The following IQGAP1 variants were observed in gnomAD, a reference collection of about 807,000 sequenced individuals.
IQGAP1 encodes IQ motif containing GTPase activating protein 1.
IQGAP1 carries 66 observed loss-of-function variants against 215.6 expected under a neutral mutation model. That is an observed-to-expected ratio of 0.31 (90% CI 0.25 to 0.38). IQGAP1 has a LOEUF of 0.38. Ranked by LOEUF, IQGAP1 falls within the 10% of genes least tolerant of loss-of-function variation. The pLI, the probability that IQGAP1 is intolerant of heterozygous loss-of-function variation, is 1.00. For synonymous variants in IQGAP1, 772 were observed against 728.7 expected, an observed-to-expected ratio of 1.06 and a Z score of -0.96; for missense variants, 1,712 against 1,997.1, an observed-to-expected ratio of 0.86 and a Z score of 2.72.
chr15:90,456,895 T>A (rs57111801), intron 15 of IQGAP1, among the ~76,000 whole-genome samples: 37,913 of 106,378 alleles, frequency 0.36, 6,402 homozygotes, highest in East Asian at 0.62. Flanking sequence ...CTCAAAAAAA[T>A]ATATATATAT....
intron 2 of IQGAP1, among the ~76,000 whole-genome samples, chr15:90,417,528 T>C (rs1965070491): frequency 6.6e-6 from 1 of 152,158 alleles, no homozygotes; most frequent in African/African-American, 2.4e-5. Context: ...GGATATGTGG[T>C]ATTATTTCTG....
At chr15:90,420,668 G>C (rs796785889) in intron 2 of IQGAP1, among the ~76,000 whole-genome samples, 13 of 152,220 alleles carry the variant, frequency 8.5e-5, no homozygotes, top group African/African-American at 3.1e-4. Flanking sequence ...GCTAGGACAG[G>C]GTTAAATATG....
At chr15:90,419,715 G>A (rs1181041270) in intron 2 of IQGAP1, among the ~76,000 whole-genome samples, 1 of 152,154 alleles carries the variant, frequency 6.6e-6, no homozygotes, top group Non-Finnish European at 1.5e-5. Flanking sequence ...ATAAAGTTTA[G>A]CAGCTCTATA....
intron 5 of IQGAP1, among the ~76,000 whole-genome samples, chr15:90,436,639 C>T (rs557266021): frequency 1.6e-4 from 25 of 152,298 alleles, no homozygotes; most frequent in Non-Finnish European, 2.9e-4. Context: ...TACAGGCTGA[C>T]GCATTATAGT....
intron 3 of IQGAP1, among the ~76,000 whole-genome samples, chr15:90,428,094 CAG>C (rs758085581): frequency 3.1e-4 from 47 of 152,022 alleles, no homozygotes; most frequent in Non-Finnish European, 6.5e-4. Flanking sequence ...TGTTTTGAGA[CAG>C]GGACTTGCTG....
chr15:90,461,015 A>AG lies in IQGAP1; in HGVS notation c.1776+4700_1776+4701insG, dbSNP rs1157235337. Among the ~76,000 whole-genome samples the AG allele has an allele frequency of 9.5e-4, 142 of 148,798 alleles. 1 individual carries two copies. The highest frequency in any genetic ancestry group is 3.4e-3 in the African/African-American group (138 of 40,338). On this transcript the variant is annotated intron_variant, in intron 15 of 37. Coordinates refer to ENST00000268182, the MANE Select transcript of IQGAP1 (RefSeq NM_003870.4). ...CCCTGTCTTTAAAAAAAAAAAAAAA[A>AG]AAAAAAAAGGGCTGGGCGCAGTGCC... is the stretch of plus-strand genomic sequence containing the variant.
chr15:90,479,516 TTGC>T (rs1449090575), intron 26 of IQGAP1, among the ~76,000 whole-genome samples: 1 of 151,250 alleles, frequency 6.6e-6, no homozygotes, highest in Non-Finnish European at 1.5e-5. Flanking sequence ...GGTGGGAGGA[TTGC>T]TTGAGCTCAG....
At chr15:90,411,674 A>C (rs1409082649) in intron 2 of IQGAP1, among the ~76,000 whole-genome samples, 2 of 152,224 alleles carry the variant, frequency 1.3e-5, no homozygotes, top group Non-Finnish European at 2.9e-5. Flanking sequence ...CTCACAGGTT[A>C]GTAATGATTA....
chr15:90,456,474 G>A (rs76489431), intron 15 of IQGAP1, among the ~76,000 whole-genome samples, 159 bp downstream of exon 15: 20,370 of 152,150 alleles, frequency 0.13, 1,427 homozygotes, highest in African/African-American at 0.16. Flanking sequence ...AGAGACATAG[G>A]CTCCACCTAC....
At chr15:90,447,033 TTTG>T (rs1965536634) in intron 9 of IQGAP1, among the ~76,000 whole-genome samples, 2 of 152,244 alleles carry the variant, frequency 1.3e-5, no homozygotes, top group Admixed American at 6.5e-5. Flanking sequence ...GAAAGTCTAG[TTTG>T]TTATCTACAT....
chr15:90,405,135 CTT>C (rs948263386), intron 2 of IQGAP1, among the ~76,000 whole-genome samples: 29 of 152,074 alleles, frequency 1.9e-4, no homozygotes, highest in Admixed American at 1.6e-3. Flanking sequence ...GCTTTTTTGA[CTT>C]TTGAATCGTA....
In IQGAP1 at chr15:90,492,554, A is replaced by C. The variant is rs1295805390; in HGVS notation, c.4471A>C (p.Asn1491His). 6.3e-7 allele frequency: 1 copy of C among 1,596,566 alleles called. No homozygotes were observed. Among genetic ancestry groups the C allele is most frequent in the South Asian group, 1.1e-5 (1 of 87,236 alleles). Reference sequence around the variant, plus strand: ...AATAATTATGTCTCAGGATATTCGGAATCAGCGGAGGTACCGACAGAGGAG... The same window carrying C: ...AATAATTATGTCTCAGGATATTCGGCATCAGCGGAGGTACCGACAGAGGAG... ...LINDIARDIR[N>H]QRRYRQRRKA... Residue 1491 changes from asparagine to histidine, a missense_variant, in exon 35 of 38, where the codon AAT (asparagine) becomes CAT (histidine). Physicochemically the swap from Asn to His is moderately conservative, Grantham distance 68. Around this residue, in one of 2 missense-constraint regions of IQGAP1, gnomAD observed 691 missense variants for 923.0 expected, o/e 0.75. Coordinates refer to ENST00000268182, the MANE Select transcript of IQGAP1 (RefSeq NM_003870.4).
intron 35 of IQGAP1, chr15:90,494,222 C>G (rs1053942305): frequency 1.3e-5 from 2 of 152,286 alleles, no homozygotes; most frequent in Non-Finnish European, 2.9e-5. Flanking sequence ...CTTGATTATC[C>G]TAATAGCCTC....
intron 3 of IQGAP1, among the ~76,000 whole-genome samples, chr15:90,427,092 C>A (rs546390864): frequency 6.6e-5 from 10 of 151,718 alleles, no homozygotes; most frequent in African/African-American, 2.4e-4. Context: ...TATAATGAGA[C>A]CCTGTCTTAC....
intron 18 of IQGAP1, among the ~76,000 whole-genome samples, chr15:90,472,435 C>T (rs1366299863): frequency 6.6e-6 from 1 of 152,138 alleles, no homozygotes; most frequent in East Asian, 1.9e-4. Context: ...TCTGGTCTCT[C>T]CCCCTGAGAT....
intron 15 of IQGAP1, 91 bp downstream of exon 15, chr15:90,456,406 C>T: frequency 7.9e-7 from 1 of 1,260,060 alleles, no homozygotes; most frequent in Non-Finnish European, 1.1e-6. Flanking sequence ...TTGATTCATT[C>T]AGTGAATGCC....
chr15:90,449,425 T>C, intron 10 of IQGAP1, 134 bp from the exon 11 acceptor site: 1 of 670,444 alleles, frequency 1.5e-6, no homozygotes, highest in Non-Finnish European at 2.4e-6. Context: ...CCACCTTGGC[T>C]GCATGTAGCC....
At chr15:90,452,660 C>T (rs981520666) in intron 11 of IQGAP1, 115 bp from the exon 12 acceptor site, 2 of 1,240,488 alleles carry the variant, frequency 1.6e-6, no homozygotes, top group East Asian at 2.4e-5. Flanking sequence ...AGTTCCACTT[C>T]AAACTTCATG....
At chr15:90,408,360 G>T (rs1964909794) in intron 2 of IQGAP1, among the ~76,000 whole-genome samples, 1 of 152,122 alleles carries the variant, frequency 6.6e-6, no homozygotes, top group Non-Finnish European at 1.5e-5. Flanking sequence ...TTGAGACCAG[G>T]AGTAATACGG....
Sources: gnomAD v4.1 joint callset for allele counts (sites outside exome capture counted in the v4.1 genomes callset) on GRCh38, gnomAD v4.1.1 for gene constraint, gnomAD v4.1.1 regional missense constraint, MANE v1.5 for transcripts, NCBI Gene and HGNC (gene_info 2026-07-23, HGNC 2026-07-21) for gene names.